The following NLRP1 variants were observed in gnomAD, a reference collection of about 807,000 sequenced individuals.
The protein encoded by NLRP1 is NLR family pyrin domain containing 1.
NLRP1 carries 94 observed loss-of-function variants against 136.7 expected under a neutral mutation model. That is an observed-to-expected ratio of 0.69 (90% CI 0.58 to 0.82). NLRP1 has a LOEUF of 0.82. Among genes scored for constraint, NLRP1 ranks in the 40% least tolerant of loss-of-function variants. NLRP1 has a pLI of 0.00. For missense variants in NLRP1, 1,575 were observed against 1,802.7 expected, an observed-to-expected ratio of 0.87 and a Z score of 2.29; for synonymous variants, 690 against 725.1, an observed-to-expected ratio of 0.95 and a Z score of 0.78.
chr17:5,517,756 C>T lies in NLRP1; in HGVS notation c.4047G>A (p.Leu1349=), dbSNP rs1908346904. 1 of 1,614,192 alleles carries T rather than the reference C, an allele frequency of 6.2e-7. No individual in the cohort carries two copies. Residue 1349 remains leucine, a synonymous_variant, in exon 15 of 17, where the codon TTG becomes TTA. Transcript: ENST00000572272. ...KKDETLVWEA[L]VKPGDLMPAT... ...TTGTCCTGGATTTACCTGGTTTCAC[C>T]AAGGCCTCCCACACCAGAGTCTCAT...
intron 5 of NLRP1, among the ~76,000 whole-genome samples, chr17:5,548,736 C>T (rs1279835626): frequency 6.6e-6 from 1 of 151,566 alleles, no homozygotes; most frequent in Non-Finnish European, 1.5e-5. Context: ...GGACAAATTT[C>T]AGTCCTTATC....
chr17:5,515,634 G>C, intron 15 of NLRP1, 117 bp from the exon 16 acceptor site: 2 of 827,600 alleles, frequency 2.4e-6, no homozygotes, highest in Non-Finnish European at 4.0e-6. Flanking sequence ...AAAAGCCACA[G>C]ACAAATTCTG....
In NLRP1 at chr17:5,542,022, G is replaced by A. The variant is rs752690433; in HGVS notation, c.2534C>T (p.Ala845Val). Reference sequence around the variant, plus strand: ...GTCCTCAGCTGTGAGGCCACAGCCAGCCAACCTGTGGAAGACACACACCCA... The same window carrying A: ...GTCCTCAGCTGTGAGGCCACAGCCAACCAACCTGTGGAAGACACACACCCA... ...PRCLLETLRL[A>V]GCGLTAEDCK... The change falls in exon 6 of 17, where the codon GCT (alanine) becomes GTT (valine). Residue 845 changes from alanine to valine, a missense_variant. By Grantham distance (64) the Ala-to-Val change is moderately conservative. Transcript: ENST00000572272. The A allele has an allele frequency of 1.9e-6, 3 of 1,612,738 alleles. No homozygotes were observed. Among genetic ancestry groups the A allele is most frequent in the Non-Finnish European group, 2.5e-6 (3 of 1,179,564 alleles).
intron 15 of NLRP1, among the ~76,000 whole-genome samples, chr17:5,515,995 C>A (rs1174917872): frequency 6.6e-6 from 1 of 152,164 alleles, no homozygotes; most frequent in East Asian, 1.9e-4. Context: ...GAATCAAGAT[C>A]AAGCAATCTT....
downstream of NLRP1, among the ~76,000 whole-genome samples, chr17:5,511,778 TTC>T (rs1299721320): frequency 1.3e-5 from 2 of 149,588 alleles, no homozygotes; most frequent in Non-Finnish European, 3.0e-5. Flanking sequence ...TTTCTCTTTC[TTC>T]TTTCTTTCTC....
At chr17:5,575,443 T>G (rs888731394) in intron 3 of NLRP1, among the ~76,000 whole-genome samples, 1 of 151,464 alleles carries the variant, frequency 6.6e-6, no homozygotes, top group African/African-American at 2.4e-5. Context: ...ACCAAGCAAA[T>G]GGAAAACAAA....
chr17:5,559,251 G>C lies in NLRP1; in HGVS notation c.1445C>G (p.Ser482Cys). Residue 482 changes from serine (S) to cysteine (C), a missense_variant, in exon 4 of 17, where the codon TCT (serine) becomes TGT (cysteine). Transcript: ENST00000572272. ...GAAATATTCCTTCCTGCTGGACTCA[G>C]AGAACCCCAGGACCTCTACCCAACG... ...QARWVEVLGF[S>C]ESSRKEYFYR... 6.2e-7 allele frequency: 1 copy of C among 1,614,158 alleles called. No homozygotes were observed.
At chr17:5,506,541 A>G (rs973550665) in intron 15 of NLRP1, among the ~76,000 whole-genome samples, 5 of 152,284 alleles carry the variant, frequency 3.3e-5, no homozygotes, top group Admixed American at 3.3e-4. Context: ...TCAACAGATG[A>G]ACAGATAACC....
chr17:5,515,664 C>A, intron 15 of NLRP1, 147 bp from the exon 16 acceptor site: 1 of 690,756 alleles, frequency 1.4e-6, no homozygotes, highest in South Asian at 1.6e-5. Flanking sequence ...GGAGTAAGAG[C>A]TGGAAGGGTC....
intron 12 of NLRP1, among the ~76,000 whole-genome samples, chr17:5,522,365 T>C (rs1909011394): frequency 1.3e-5 from 2 of 152,192 alleles, no homozygotes; most frequent in African/African-American, 4.8e-5. Context: ...TTAGTGCCCT[T>C]ACAAAAGAGA....
intron 5 of NLRP1, among the ~76,000 whole-genome samples, chr17:5,545,513 TACACACACAGAC>T (rs1412876145): frequency 9.2e-6 from 1 of 108,450 alleles, no homozygotes; most frequent in Non-Finnish European, 2.0e-5. Context: ...CACACACACA[TACACACACAGAC>T]ACAGACACAG....
intron 4 of NLRP1, among the ~76,000 whole-genome samples, chr17:5,556,060 T>A (rs886573783): frequency 1.3e-5 from 2 of 151,044 alleles, no homozygotes; most frequent in Non-Finnish European, 2.9e-5. Context: ...TGCCACCGCA[T>A]GCCAGCCTGG....
chr17:5,514,690 A>G lies in NLRP1; in HGVS notation c.*64T>C. ...TGGCAACTTGTTTGCAGAGAAAGAA[A>G]CTGAGACCCAAAGAAGGGTCAGCCA... is the stretch of plus-strand genomic sequence containing the variant. On this transcript the variant is annotated 3_prime_UTR_variant, in exon 17 of 17. Coordinates refer to ENST00000572272, the MANE Select transcript of NLRP1 (RefSeq NM_033004.4). 1 of 1,587,136 alleles carries G rather than the reference A, an allele frequency of 6.3e-7. No individual in the cohort carries two copies. The highest frequency in any genetic ancestry group is 8.6e-7 in the Non-Finnish European group (1 of 1,164,532).
At chr17:5,517,617 A>C (rs1908327168) in intron 15 of NLRP1, 129 bp downstream of exon 15, 1 of 1,037,134 alleles carries the variant, frequency 9.6e-7, no homozygotes, top group African/African-American at 1.6e-5. Flanking sequence ...TGAACTCCTG[A>C]CCTTGTGATC....
intron 5 of NLRP1, 107 bp from the exon 6 acceptor site, chr17:5,542,134 G>T: frequency 1.8e-6 from 2 of 1,139,640 alleles, no homozygotes; most frequent in Non-Finnish European, 2.5e-6. Context: ...TGTGGGCCAG[G>T]CAGAGGTCTA....
At chr17:5,553,626 A>G (rs1017586398) in intron 4 of NLRP1, 70 bp from the exon 5 acceptor site, 125 of 1,415,330 alleles carry the variant, frequency 8.8e-5, no homozygotes, top group Non-Finnish European at 1.2e-4. Context: ...CCAGCCCTGC[A>G]CAACACAGTT....
chr17:5,582,894 G>T (rs762284298), intron 1 of NLRP1, 48 bp from the exon 2 acceptor site: 3 of 1,480,618 alleles, frequency 2.0e-6, no homozygotes, highest in African/African-American at 2.8e-5. Context: ...AGGGGCAGGG[G>T]CAAGGTGCCA....
In NLRP1 at chr17:5,530,480, C is replaced by A. The variant is rs761097844; in HGVS notation, c.3520+1G>T. 1.9e-6 allele frequency: 3 copies of A among 1,613,384 alleles called. No homozygotes were observed. Among genetic ancestry groups the A allele is most frequent in the Non-Finnish European group, 2.5e-6 (3 of 1,179,566 alleles). ...CCTCCCTATCCTTCCCTGTTGTTTACCTTGGAGAGCCACAAAGTGAGGGAG... is the reference window on the plus strand; with the variant it reads ...CCTCCCTATCCTTCCCTGTTGTTTAACTTGGAGAGCCACAAAGTGAGGGAG... On this transcript the variant is annotated splice_donor_variant, in intron 12 of 16. Coordinates refer to ENST00000572272, the MANE Select transcript of NLRP1 (RefSeq NM_033004.4). LOFTEE classifies it high-confidence loss of function.
chr17:5,536,313 T>TG (rs1405187821), intron 8 of NLRP1, among the ~76,000 whole-genome samples: 1 of 152,024 alleles, frequency 6.6e-6, no homozygotes, highest in East Asian at 1.9e-4. Flanking sequence ...CACACCCAGC[T>TG]AATTTTTGTA....
Sources: gnomAD v4.1 joint callset for allele counts (sites outside exome capture counted in the v4.1 genomes callset) on GRCh38, gnomAD v4.1.1 for gene constraint, MANE v1.5 for transcripts, NCBI Gene and HGNC (gene_info 2026-07-23, HGNC 2026-07-21) for gene names.